The following COL4A2 variants were observed in gnomAD, a reference collection of about 807,000 sequenced individuals.
The protein encoded by COL4A2 is collagen alpha-2(IV) chain.
A neutral mutation model predicts 200.2 loss-of-function variants in COL4A2; 99 were observed. The ratio of observed to expected loss-of-function variants is 0.49; its 90% confidence interval spans 0.42 to 0.58. COL4A2 has a LOEUF of 0.58. Ranked by LOEUF, COL4A2 falls within the 20% of genes least tolerant of loss-of-function variation. COL4A2 has a pLI of 0.00. For missense variants in COL4A2, 1,950 were observed against 2,314.1 expected (o/e 0.84, Z 3.23); for synonymous variants, 897 against 900.6 (o/e 1.00, Z 0.07).
At chr13:110,407,927 G>A (rs1879633699) in intron 4 of COL4A2, among the ~76,000 whole-genome samples, 1 of 152,174 alleles carries the variant, frequency 6.6e-6, no homozygotes, top group Non-Finnish European at 1.5e-5. Context: ...AGCAAGGTTG[G>A]AGGAAATGAG....
At chr13:110,484,095 C>A (rs1216165750) in intron 32 of COL4A2, among the ~76,000 whole-genome samples, 1 of 148,346 alleles carries the variant, frequency 6.7e-6, no homozygotes. Flanking sequence ...CTATTTCAGG[C>A]AAAAAAAAAA....
chr13:110,432,414 G>T, intron 11 of COL4A2, 54 bp downstream of exon 11: 1 of 1,545,150 alleles, frequency 6.5e-7, no homozygotes, highest in Non-Finnish European at 8.7e-7. Context: ...AGGTGTTTGT[G>T]GGTTTGTTTG....
At chr13:110,320,733 T>C (rs115920090) in intron 3 of COL4A2, among the ~76,000 whole-genome samples, 1,561 of 152,316 alleles carry the variant, frequency 0.01, 31 homozygotes, top group African/African-American at 0.036. Flanking sequence ...GTAGATAGAA[T>C]TCATCCGTTT....
chr13:110,432,979 C>T (rs1371085397), intron 11 of COL4A2, among the ~76,000 whole-genome samples: 8 of 152,232 alleles, frequency 5.3e-5, no homozygotes, highest in Non-Finnish European at 4.4e-5. Flanking sequence ...CCAAGACAAA[C>T]GAATGCAGTT....
intron 4 of COL4A2, among the ~76,000 whole-genome samples, chr13:110,388,313 G>A (rs1878845346): frequency 6.6e-6 from 1 of 152,218 alleles, no homozygotes; most frequent in African/African-American, 2.4e-5. Context: ...GAGCACGCTG[G>A]TGACTTCTCT....
intron 3 of COL4A2, among the ~76,000 whole-genome samples, chr13:110,351,214 A>ATTT (rs61206750): frequency 1.4e-5 from 1 of 73,444 alleles, no homozygotes; most frequent in Non-Finnish European, 2.4e-5. Flanking sequence ...ACACCCAGCT[A>ATTT]TTCTTTTTGT....
At chr13:110,359,741 C>T (rs1328436317) in intron 4 of COL4A2, among the ~76,000 whole-genome samples, 2 of 152,176 alleles carry the variant, frequency 1.3e-5, no homozygotes, top group East Asian at 1.9e-4. Flanking sequence ...GGGCACAGTT[C>T]GTGATAGGGA....
At chr13:110,403,718 A>G (rs1029064407) in intron 4 of COL4A2, among the ~76,000 whole-genome samples, 1 of 151,954 alleles carries the variant, frequency 6.6e-6, no homozygotes, top group Admixed American at 6.6e-5. Flanking sequence ...GACCCTACCC[A>G]TTACCCAGTT....
chr13:110,357,337 TA>T, intron 3 of COL4A2, 134 bp from the exon 4 acceptor site: 1 of 1,352,018 alleles, frequency 7.4e-7, no homozygotes, highest in Non-Finnish European at 9.9e-7. Flanking sequence ...TCTATTTTTT[TA>T]AAAAAGCCTT....
chr13:110,443,642 A>G (rs1881218165), intron 16 of COL4A2, among the ~76,000 whole-genome samples: 2 of 152,188 alleles, frequency 1.3e-5, no homozygotes, highest in Admixed American at 6.5e-5. Context: ...ACAGTTATCC[A>G]TTCTAAAATA....
chr13:110,349,415 T>C (rs1876853702), intron 3 of COL4A2, among the ~76,000 whole-genome samples: 1 of 152,202 alleles, frequency 6.6e-6, no homozygotes, highest in South Asian at 2.1e-4. Context: ...CTCTTCTCAC[T>C]GTCATTGGGT....
intron 15 of COL4A2, among the ~76,000 whole-genome samples, chr13:110,439,044 C>T (rs1033898146): frequency 3.3e-5 from 5 of 152,176 alleles, no homozygotes; most frequent in Non-Finnish European, 7.3e-5. Context: ...CATTGATTTC[C>T]GACTGTCCCA....
chr13:110,456,632 C>A, intron 20 of COL4A2: 1 of 384,860 alleles, frequency 2.6e-6, no homozygotes, highest in Non-Finnish European at 5.2e-6. Flanking sequence ...AAAAAATGTG[C>A]TTTTGTTTAT....
chr13:110,420,678 G>A (rs561471317), intron 4 of COL4A2, among the ~76,000 whole-genome samples: 5 of 152,346 alleles, frequency 3.3e-5, no homozygotes, highest in East Asian at 1.9e-4. Flanking sequence ...CTTTTTGACT[G>A]AGGATGGAAG....
At chr13:110,321,269 A>G (rs1025062457) in intron 3 of COL4A2, among the ~76,000 whole-genome samples, 1 of 152,082 alleles carries the variant, frequency 6.6e-6, no homozygotes, top group Non-Finnish European at 1.5e-5. Flanking sequence ...ATATATACAC[A>G]TAATGCAAAC....
intron 4 of COL4A2, among the ~76,000 whole-genome samples, chr13:110,371,329 GTA>G (rs1877999662): frequency 6.6e-6 from 1 of 152,202 alleles, no homozygotes; most frequent in African/African-American, 2.4e-5. Context: ...GATGTGCGTT[GTA>G]TGTGTGTGTG....
intron 40 of COL4A2, among the ~76,000 whole-genome samples, chr13:110,501,218 C>T (rs1056684852): frequency 2.0e-5 from 3 of 152,196 alleles, no homozygotes; most frequent in African/African-American, 7.2e-5. Context: ...GGAGGACAGC[C>T]GCAGGGAGGG....
intron 4 of COL4A2, among the ~76,000 whole-genome samples, chr13:110,395,074 C>T (rs551880980): frequency 6.6e-5 from 10 of 152,362 alleles, no homozygotes; most frequent in Admixed American, 5.9e-4. Flanking sequence ...GGGTCCTCCA[C>T]AGGGTTGGCC....
chr13:110,459,082 A>T, intron 22 of COL4A2, 148 bp downstream of exon 22: 1 of 768,692 alleles, frequency 1.3e-6, no homozygotes, highest in Non-Finnish European at 1.9e-6. Context: ...CTAAAAACCC[A>T]CATACCCCAA....
Sources: allele counts gnomAD v4.1 joint callset (sites outside exome capture counted in the v4.1 genomes callset), GRCh38; gene constraint gnomAD v4.1.1; transcripts MANE v1.5; gene names NCBI Gene and HGNC (gene_info 2026-07-23, HGNC 2026-07-21).